Variants in PACS2 observed in about 807,000 individuals in gnomAD.
PACS2 encodes the protein phosphofurin acidic cluster sorting protein 2.
Under a neutral mutation model 113.0 loss-of-function variants are expected in PACS2, and 36 were observed. The observed-to-expected ratio is 0.32, with a 90% CI of 0.24 to 0.42. PACS2 has a LOEUF of 0.42. Ranked by LOEUF, PACS2 falls within the 10% of genes least tolerant of loss-of-function variation. PACS2 has a pLI of 1.00. For missense variants in PACS2, 1,015 were observed against 1,239.5 expected (o/e 0.82, Z 2.72); for synonymous variants, 589 against 536.1 (o/e 1.10, Z -1.36).
At chr14:105,364,746 G>C (rs1344472003) in intron 4 of PACS2, among the ~76,000 whole-genome samples, 1 of 146,962 alleles carries the variant, frequency 6.8e-6, no homozygotes, top group Non-Finnish European at 1.5e-5. Context: ...ACCCAGGCTG[G>C]AGTGCAGTGG....
At chr14:105,368,289 C>A in intron 6 of PACS2, 142 bp downstream of exon 6, 1 of 807,052 alleles carries the variant, frequency 1.2e-6, no homozygotes, top group Non-Finnish European at 2.0e-6. Flanking sequence ...GCCCATCTCT[C>A]GTCTCCCGAC....
intron 7 of PACS2, among the ~76,000 whole-genome samples, chr14:105,369,610 G>T (rs782142555): frequency 2.0e-5 from 3 of 152,126 alleles, no homozygotes; most frequent in Non-Finnish European, 4.4e-5. Flanking sequence ...AAGAACCATG[G>T]AGTCCGCACA....
chr14:105,365,581 GA>G lies in PACS2; in HGVS notation c.424-1627del, dbSNP rs587771015. Among the ~76,000 whole-genome samples the G allele has an allele frequency of 6.6e-6, 1 of 152,238 alleles. No homozygotes were observed. Among genetic ancestry groups the G allele is most frequent in the South Asian group, 2.1e-4 (1 of 4,828 alleles). On this transcript the variant is annotated intron_variant, in intron 4 of 24. Transcript: ENST00000447393. This position sits in a 1 kb window ranked among gnomAD's most constrained non-coding sequence, Gnocchi z 5.1. ...GGAAGCGAGCAGGGTTTTCTTAGGAGAAAAAGGGCCCAGACCCCTCTGAGCC... is the reference window on the plus strand; with the variant it reads ...GGAAGCGAGCAGGGTTTTCTTAGGAGAAAAGGGCCCAGACCCCTCTGAGCC...
At chr14:105,341,971 G>T (rs2059743460) in intron 1 of PACS2, among the ~76,000 whole-genome samples, 1 of 152,188 alleles carries the variant, frequency 6.6e-6, no homozygotes, top group South Asian at 2.1e-4. Context: ...TTGGGCGAGG[G>T]GGCACTGGGC....
intron 1 of PACS2, among the ~76,000 whole-genome samples, chr14:105,334,747 T>TCACAGGTG (rs1439324147): frequency 2.0e-5 from 3 of 152,228 alleles, no homozygotes; most frequent in African/African-American, 7.2e-5. Flanking sequence ...GTGGTCATGC[T>TCACAGGTG]CACAGGTGCA....
chr14:105,347,662 C>T (rs1311418260), intron 1 of PACS2, among the ~76,000 whole-genome samples: 2 of 152,320 alleles, frequency 1.3e-5, no homozygotes, highest in East Asian at 3.9e-4. Flanking sequence ...CTTCACCCTT[C>T]TGCTGTCCTG....
upstream of PACS2, among the ~76,000 whole-genome samples, chr14:105,313,376 G>A (rs2058405606): frequency 1.3e-5 from 2 of 152,170 alleles, no homozygotes; most frequent in Non-Finnish European, 2.9e-5. Flanking sequence ...GAGATCCACC[G>A]GCCCTCTGCC....
chr14:105,394,370 C>T, intron 24 of PACS2, 184 bp from the exon 25 acceptor site: 1 of 985,290 alleles, frequency 1.0e-6, no homozygotes, highest in Non-Finnish European at 1.2e-6. Flanking sequence ...AATGGCGTCC[C>T]TCAGGAGCCA....
intron 4 of PACS2, among the ~76,000 whole-genome samples, chr14:105,359,539 C>T (rs1421006702): frequency 8.0e-5 from 12 of 150,710 alleles, no homozygotes; most frequent in African/African-American, 2.9e-4. Flanking sequence ...AACTCCTGAC[C>T]TCAAGTGATC....
chr14:105,379,665 T>A, intron 9 of PACS2, 74 bp from the exon 10 acceptor site: 1 of 1,200,642 alleles, frequency 8.3e-7, no homozygotes, highest in Non-Finnish European at 1.2e-6. Flanking sequence ...CCAGGTGTGG[T>A]GGGAGAACTG....
chr14:105,362,432 A>G (rs1438575766), intron 4 of PACS2, among the ~76,000 whole-genome samples: 6 of 150,128 alleles, frequency 4.0e-5, no homozygotes, highest in African/African-American at 1.5e-4. Flanking sequence ...AAAAAAAAAG[A>G]AAAGAAAAAA....
At chr14:105,394,316 C>T in intron 24 of PACS2, 1 of 985,226 alleles carries the variant, frequency 1.0e-6, no homozygotes, top group Non-Finnish European at 1.2e-6. Flanking sequence ...GAAATGCTGC[C>T]CTCCCCACCC....
At chr14:105,390,236 T>A (rs1391040829) in intron 20 of PACS2, 1 of 568,346 alleles carries the variant, frequency 1.8e-6, no homozygotes, top group African/African-American at 1.9e-5. Context: ...GGCTGATAAA[T>A]GGAAGCAGAG....
At chr14:105,359,652 C>T (rs1222511091) in intron 4 of PACS2, among the ~76,000 whole-genome samples, 5 of 149,252 alleles carry the variant, frequency 3.4e-5, no homozygotes, top group East Asian at 3.9e-4. Flanking sequence ...AGTGCAGTGC[C>T]GCAATCTCAG....
rs587737383 is a variant in PACS2, at chr14:105,307,271, C to G, written c.-83+6292C>G. ...CCCACCTGCCTCCTTTCATCAGGCT[C>G]CTGCATTCCTGAACACTAGCCCCCT... On this transcript the variant is annotated intron_variant, in intron 1 of 23. Coordinates refer to the PACS2 transcript ENST00000430725. 2.0e-5 allele frequency among the ~76,000 whole-genome samples: 3 copies of G among 152,192 alleles called. No homozygotes were observed. The East Asian group carries it at 5.8e-4, about 29-fold the overall frequency.
chr14:105,378,220 T>G (rs2080854562), intron 9 of PACS2, among the ~76,000 whole-genome samples: 1 of 152,228 alleles, frequency 6.6e-6, no homozygotes, highest in Non-Finnish European at 1.5e-5. Context: ...CTCTCCCATC[T>G]TAAACTCCGT....
intron 1 of PACS2, among the ~76,000 whole-genome samples, chr14:105,318,157 T>C (rs903000394): frequency 2.6e-5 from 4 of 152,214 alleles, no homozygotes; most frequent in Non-Finnish European, 5.9e-5. Flanking sequence ...ATTTTGTTGT[T>C]GTTGTTGCAG....
intron 23 of PACS2, 73 bp downstream of exon 23, chr14:105,392,918 A>G (rs921559965): frequency 1.5e-5 from 18 of 1,196,270 alleles, no homozygotes; most frequent in Non-Finnish European, 2.2e-5. Context: ...CTCGCAGTCA[A>G]CAGGGATGAC....
chr14:105,318,744 C>T (rs1407721327), intron 1 of PACS2, among the ~76,000 whole-genome samples: 5 of 151,814 alleles, frequency 3.3e-5, no homozygotes, highest in African/African-American at 1.2e-4. Flanking sequence ...CTGCAAGCTC[C>T]GCCTCCTGGG....
Sources: gnomAD v4.1 joint callset for allele counts (sites outside exome capture counted in the v4.1 genomes callset) on GRCh38, gnomAD v4.1.1 for gene constraint, Gnocchi (gnomAD v3.1) non-coding constraint, MANE v1.5 for transcripts, NCBI Gene and HGNC (gene_info 2026-07-23, HGNC 2026-07-21) for gene names.